The following FAM107B variants were observed in gnomAD, a reference collection of about 807,000 sequenced individuals.
FAM107B encodes the protein protein FAM107B.
Under a neutral mutation model 31.5 loss-of-function variants are expected in FAM107B, and 21 were observed. The observed-to-expected ratio is 0.67, with a 90% confidence interval of 0.47 to 0.96. The LOEUF (loss-of-function observed/expected upper bound fraction) is 0.96. Among genes scored for constraint, FAM107B ranks in the 40% least tolerant of loss-of-function variants. FAM107B has a pLI of 0.00. For missense variants in FAM107B, 452 were observed against 377.1 expected (o/e 1.20, Z -1.64); for synonymous variants, 157 against 141.5 (o/e 1.11, Z -0.78).
chr10:14,741,284 T>C (rs572326473), intron 1 of FAM107B, among the ~76,000 whole-genome samples: 6 of 152,160 alleles, frequency 3.9e-5, no homozygotes, highest in African/African-American at 1.4e-4. Flanking sequence ...GAGTAAGGCT[T>C]GGAGTGTCAG....
chr10:14,765,710 A>T (rs1324762602), intron 1 of FAM107B, among the ~76,000 whole-genome samples: 1 of 152,220 alleles, frequency 6.6e-6, no homozygotes, highest in Non-Finnish European at 1.5e-5. Context: ...CATATATTTT[A>T]AAATGTTGAT....
intron 1 of FAM107B, among the ~76,000 whole-genome samples, chr10:14,746,741 T>A (rs1832733512): frequency 6.6e-6 from 1 of 152,200 alleles, no homozygotes. Flanking sequence ...TTCTTTCATA[T>A]CAACCTTGGA....
intron 2 of FAM107B, among the ~76,000 whole-genome samples, chr10:14,657,416 T>C (rs148577801): frequency 1.4e-3 from 207 of 152,264 alleles, no homozygotes; most frequent in African/African-American, 4.8e-3. Context: ...CATCTTGAAA[T>C]AGGCAGGCCA....
At chr10:14,537,876 C>T (rs1035154811) in intron 2 of FAM107B, among the ~76,000 whole-genome samples, 42 of 151,908 alleles carry the variant, frequency 2.8e-4, no homozygotes, top group African/African-American at 9.7e-4. Flanking sequence ...AACGCAATGC[C>T]TACAACACAG....
At chr10:14,561,422 G>A (rs983364227) in intron 2 of FAM107B, among the ~76,000 whole-genome samples, 3 of 152,256 alleles carry the variant, frequency 2.0e-5, no homozygotes, top group Non-Finnish European at 4.4e-5. Flanking sequence ...TGAAGGAAGT[G>A]AGGGACATAG....
chr10:14,713,605 A>G (rs933870064), intron 1 of FAM107B, among the ~76,000 whole-genome samples: 8 of 152,340 alleles, frequency 5.3e-5, no homozygotes, highest in Admixed American at 4.6e-4. Flanking sequence ...AGGAAGGAAA[A>G]CATCAGGGTT....
At chr10:14,682,872 C>A (rs1854872313) in intron 1 of FAM107B, among the ~76,000 whole-genome samples, 1 of 151,118 alleles carries the variant, frequency 6.6e-6, no homozygotes, top group African/African-American at 2.4e-5. Context: ...CACATGTACC[C>A]CATAACTTAA....
At chr10:14,624,902 A>G (rs1246672571) in intron 2 of FAM107B, among the ~76,000 whole-genome samples, 1 of 152,174 alleles carries the variant, frequency 6.6e-6, no homozygotes, top group Non-Finnish European at 1.5e-5. Flanking sequence ...CCACTGATCT[A>G]GGTGGATGAC....
chr10:14,741,316 G>A (rs2131573460), intron 1 of FAM107B, among the ~76,000 whole-genome samples: 1 of 152,328 alleles, frequency 6.6e-6, no homozygotes, highest in East Asian at 1.9e-4. Context: ...CTAAAGCCAG[G>A]CACCTGGAAG....
intron 2 of FAM107B, among the ~76,000 whole-genome samples, chr10:14,550,536 G>A (rs1218699927): frequency 6.6e-6 from 1 of 152,218 alleles, no homozygotes. Flanking sequence ...AAATCCTACA[G>A]CAGCAGTATG....
chr10:14,558,590 ATT>A (rs3832656), intron 2 of FAM107B, among the ~76,000 whole-genome samples: 14 of 151,246 alleles, frequency 9.3e-5, no homozygotes, highest in Middle Eastern at 3.4e-3. Context: ...CCTGATCTTG[ATT>A]TTTTTTTTTA....
intron 1 of FAM107B, among the ~76,000 whole-genome samples, chr10:14,754,231 G>C (rs1053898793): frequency 1.3e-5 from 2 of 152,158 alleles, no homozygotes; most frequent in African/African-American, 4.8e-5. Context: ...GAGCCACCTT[G>C]CCCGGCCACC....
intron 1 of FAM107B, among the ~76,000 whole-genome samples, chr10:14,735,812 C>T (rs935136672): frequency 3.3e-5 from 5 of 152,112 alleles, no homozygotes; most frequent in Non-Finnish European, 7.3e-5. Context: ...GGTCTACACT[C>T]CGTCTCTAGG....
At chr10:14,755,315 A>G (rs1047863053) in intron 1 of FAM107B, among the ~76,000 whole-genome samples, 12 of 151,980 alleles carry the variant, frequency 7.9e-5, no homozygotes, top group African/African-American at 2.7e-4. Flanking sequence ...CAAAAGTAAG[A>G]TTCCCCACCT....
intron 1 of FAM107B, among the ~76,000 whole-genome samples, chr10:14,691,199 C>G (rs1319483361): frequency 6.6e-6 from 1 of 152,148 alleles, no homozygotes; most frequent in East Asian, 1.9e-4. Context: ...CCGTACCCAG[C>G]CCTAAACTAT....
At chr10:14,680,660 G>A (rs150732560) in intron 1 of FAM107B, among the ~76,000 whole-genome samples, 14 of 151,698 alleles carry the variant, frequency 9.2e-5, no homozygotes, top group Middle Eastern at 3.4e-3. Context: ...ATTGTTCATT[G>A]TTTATTTCCC....
At chr10:14,675,524 G>A (rs894857459) in intron 1 of FAM107B, among the ~76,000 whole-genome samples, 5 of 152,110 alleles carry the variant, frequency 3.3e-5, no homozygotes, top group African/African-American at 1.2e-4. Context: ...GCCTATGACC[G>A]ATTAATGGCC....
At chr10:14,728,002 CCTCTCCCT>C (rs1249375362) in intron 1 of FAM107B, among the ~76,000 whole-genome samples, 1 of 152,134 alleles carries the variant, frequency 6.6e-6, no homozygotes, top group Non-Finnish European at 1.5e-5. Flanking sequence ...CATATTCTCT[CCTCTCCCT>C]CTCTCCCTCT....
intron 1 of FAM107B, among the ~76,000 whole-genome samples, chr10:14,746,226 C>T (rs1251571697): frequency 6.6e-6 from 1 of 152,094 alleles, no homozygotes; most frequent in African/African-American, 2.4e-5. Flanking sequence ...ATCAGCACAC[C>T]AATGGGTTTT....
Sources: allele counts gnomAD v4.1 joint callset (sites outside exome capture counted in the v4.1 genomes callset), GRCh38; gene constraint gnomAD v4.1.1; transcripts MANE v1.5; gene names NCBI Gene and HGNC (gene_info 2026-07-23, HGNC 2026-07-21).